SCAP: variants seen among roughly 807,000 people sequenced by gnomAD.
The protein encoded by SCAP is sterol regulatory element-binding protein cleavage-activating protein.
SCAP carries 65 observed loss-of-function variants against 123.6 expected under a neutral mutation model. That is an observed-to-expected ratio of 0.53 (90% CI 0.43 to 0.65). SCAP has a LOEUF of 0.65. Ranked by LOEUF, SCAP falls within the 30% of genes least tolerant of loss-of-function variation. SCAP has a pLI of 0.00. For missense variants in SCAP, 1,398 were observed against 1,712.5 expected (o/e 0.82, Z 3.24); for synonymous variants, 740 against 726.3 (o/e 1.02, Z -0.30).
In SCAP at chr3:47,418,369, C is replaced by G; in HGVS notation, c.2283G>C (p.Ala761=). ...GELPCDDYGY[A]PPETEIVPLV... is the part of the protein sequence containing the mutation. ...GCGGCACGATCTCCGTCTCGGGTGG[C>G]GCATAGCCGTAGTCGTCGCAGGGCA... Residue 761 remains alanine (A), a synonymous_variant, in exon 15 of 23, where the codon GCG becomes GCC. Transcript: ENST00000265565. The G allele has an allele frequency of 6.4e-7, 1 of 1,572,220 alleles. No individual in the cohort carries two copies. The highest frequency in any genetic ancestry group is 1.2e-5 in the South Asian group (1 of 86,388).
intron 18 of SCAP, among the ~76,000 whole-genome samples, chr3:47,416,506 G>A (rs999716899): frequency 3.0e-4 from 46 of 151,856 alleles, no homozygotes; most frequent in Admixed American, 2.0e-4. Flanking sequence ...TGGCTTCATT[G>A]AGAAGGGCGA....
intron 3 of SCAP, among the ~76,000 whole-genome samples, chr3:47,429,660 C>T (rs539014752): frequency 6.6e-6 from 1 of 152,330 alleles, no homozygotes; most frequent in African/African-American, 2.4e-5. Context: ...TGGGGTCTCA[C>T]TATGTTGCCC....
chr3:47,414,812 C>A lies in SCAP; in HGVS notation c.3306+15G>T. On this transcript the variant is annotated intron_variant, in intron 20 of 22. Transcript: ENST00000265565. ...CCGGGCCACTCCAGCACCCAAGAGA[C>A]AAGACAATACTCACTCTCAGTGTGT... 1 of 1,600,722 alleles carries A rather than the reference C, an allele frequency of 6.2e-7. No homozygotes were observed. Among genetic ancestry groups the A allele is most frequent in the Admixed American group, 1.7e-5 (1 of 59,250 alleles).
At chr3:47,448,002 CAAAAAAAA>C (rs35075035) in intron 1 of SCAP, among the ~76,000 whole-genome samples, 5 of 66,304 alleles carry the variant, frequency 7.5e-5, no homozygotes, top group African/African-American at 2.0e-4. Flanking sequence ...GACTCCGTCT[CAAAAAAAA>C]AAAAAAAAAA....
chr3:47,435,577 G>T (rs902378915), intron 2 of SCAP, among the ~76,000 whole-genome samples: 7 of 151,322 alleles, frequency 4.6e-5, no homozygotes, highest in African/African-American at 1.7e-4. Context: ...TGGAGACGGG[G>T]TTTCATCATG....
intron 3 of SCAP, among the ~76,000 whole-genome samples, chr3:47,431,172 C>T (rs1002712018): frequency 3.6e-5 from 1 of 27,726 alleles, no homozygotes; most frequent in Admixed American, 4.4e-4. Context: ...AGAACAGAAG[C>T]TCACACAGGT....
intron 1 of SCAP, among the ~76,000 whole-genome samples, chr3:47,471,718 A>T (rs1302288200): frequency 6.6e-6 from 1 of 152,194 alleles, no homozygotes; most frequent in Non-Finnish European, 1.5e-5. Flanking sequence ...ATATCAAATA[A>T]GCCACTGGTT....
chr3:47,422,625 G>T, intron 9 of SCAP, 89 bp from the exon 10 acceptor site: 1 of 1,095,106 alleles, frequency 9.1e-7, no homozygotes, highest in Non-Finnish European at 1.3e-6. Context: ...AGTGGCAGAG[G>T]CATGGCAAGG....
chr3:47,446,475 T>A (rs1559558980), intron 1 of SCAP, among the ~76,000 whole-genome samples: 2 of 152,116 alleles, frequency 1.3e-5, no homozygotes, highest in Non-Finnish European at 2.9e-5. Context: ...CTGGCCCCCC[T>A]CAATTCTTAT....
chr3:47,461,872 A>T lies in SCAP; in HGVS notation c.-99+13927T>A, dbSNP rs140351961. Among the ~76,000 whole-genome samples the T allele has an allele frequency of 1.3e-4, 20 of 152,264 alleles. No homozygotes were observed. The East Asian group carries it at 3.9e-3, about 29-fold the overall frequency. ...AACACGGTGAAACCCTATCTCTACT[A>T]AAAATACAAAAATTAGCCGAGCATG... On this transcript the variant is annotated intron_variant, in intron 1 of 22. Transcript: ENST00000265565.
intron 20 of SCAP, 59 bp from the exon 21 acceptor site, chr3:47,414,711 C>T: frequency 6.2e-7 from 1 of 1,611,396 alleles, no homozygotes. Context: ...TATACTTTGG[C>T]TGGGAAATGC....
intron 2 of SCAP, among the ~76,000 whole-genome samples, chr3:47,442,105 A>G (rs1706831257): frequency 6.6e-6 from 1 of 152,040 alleles, no homozygotes; most frequent in Non-Finnish European, 1.5e-5. Flanking sequence ...TCCCTTCAGC[A>G]TAGCACTGAA....
chr3:47,450,088 C>A (rs1707186932), intron 1 of SCAP, among the ~76,000 whole-genome samples: 1 of 125,354 alleles, frequency 8.0e-6, no homozygotes, highest in African/African-American at 2.7e-5. Flanking sequence ...ACCTCCGCCT[C>A]CTGGGCTCAA....
Position 47,418,735 on chromosome 3 carries a change from C to T in SCAP, c.2049G>A (p.Gly683=), listed in dbSNP as rs748324729. ...CTTCCCAGTGCCCAGCAGGTATGGG[C>T]CCCGGTGGGGGCCAGGCACTGCGGC... The part of the protein sequence containing the change: ...QDGRSAWPPP[G]PIPAGHWEAG... The change falls in exon 14 of 23, where the codon GGG becomes GGA. Residue 683 remains glycine (G), a synonymous_variant. Coordinates refer to ENST00000265565, the MANE Select transcript of SCAP (RefSeq NM_012235.4). The T allele has an allele frequency of 2.1e-5, 33 of 1,590,130 alleles. No individual in the cohort carries two copies. The highest frequency in any genetic ancestry group is 2.8e-5 in the Non-Finnish European group (33 of 1,168,858).
rs149354257 is a variant in SCAP at position 47,415,586 on chromosome 3, G to T, written c.3057-406C>A. On this transcript the variant is annotated intron_variant, in intron 18 of 22. Transcript: ENST00000265565. The stretch of plus-strand genomic sequence containing the variant: ...GCTATGTTGGGTGTTGCGGAAGCCT[G>T]CATTCTCCACATAAAAGCAGCTTCA... Among the ~76,000 whole-genome samples the T allele has an allele frequency of 1.0e-3, 157 of 152,292 alleles. 3 individuals are homozygous for T. The highest frequency in any genetic ancestry group is 3.6e-3 in the African/African-American group (148 of 41,556).
chr3:47,416,531 A>G (rs564204658), intron 18 of SCAP, among the ~76,000 whole-genome samples: 2 of 151,050 alleles, frequency 1.3e-5, no homozygotes, highest in African/African-American at 2.4e-5. Flanking sequence ...GGATAGGAGT[A>G]TATCACTCCC....
intron 1 of SCAP, among the ~76,000 whole-genome samples, chr3:47,466,521 C>A (rs1707836857): frequency 6.6e-6 from 1 of 152,106 alleles, no homozygotes; most frequent in South Asian, 2.1e-4. Flanking sequence ...TGATTTTTGA[C>A]AAAGATGCCA....
Position 47,417,469 on chromosome 3 carries a change from T to C in SCAP, c.2805A>G (p.Pro935=). Reference sequence around the variant, plus strand: ...GGGACAGCACCGGCCCAGGCGAGGGTGGGCGCAGGGCTGGTGTGCAGACGG... The same window carrying C: ...GGGACAGCACCGGCCCAGGCGAGGGCGGGCGCAGGGCTGGTGTGCAGACGG... ...LAAVCTPALR[P]PSPGPVLSQA... The change falls in exon 17 of 23, where the codon CCA becomes CCG. Residue 935 remains proline (P), a synonymous_variant. Transcript: ENST00000265565. The C allele has an allele frequency of 3.9e-6, 6 of 1,550,058 alleles. No homozygotes were observed. Among genetic ancestry groups the C allele is most frequent in the Non-Finnish European group, 5.2e-6 (6 of 1,147,492 alleles).
intron 1 of SCAP, among the ~76,000 whole-genome samples, chr3:47,473,084 A>AAAAAAAAAAAAAAAAAAAAAAAAAC (rs1368757741): frequency 6.9e-6 from 1 of 144,010 alleles, no homozygotes; most frequent in Non-Finnish European, 1.5e-5. Flanking sequence ...CCATCTCAAA[A>AAAAAAAAAAAAAAAAAAAAAAAAAC]AAAAAAAAAA....
Sources: gnomAD v4.1 joint callset for allele counts (sites outside exome capture counted in the v4.1 genomes callset) on GRCh38, gnomAD v4.1.1 for gene constraint, MANE v1.5 for transcripts, NCBI Gene and HGNC (gene_info 2026-07-23, HGNC 2026-07-21) for gene names.